The following SUMF1 variants were observed in gnomAD, a reference collection of about 807,000 sequenced individuals.
The protein encoded by SUMF1 is formylglycine-generating enzyme.
SUMF1 carries 48 observed loss-of-function variants against 47.6 expected under a neutral mutation model. The ratio of observed to expected loss-of-function variants is 1.01; its 90% CI spans 0.80 to 1.28. The LOEUF (loss-of-function observed/expected upper bound fraction) is 1.28. Ranked by LOEUF, SUMF1 falls within the 50% of genes most tolerant of loss-of-function variation. The pLI is 0.00. For synonymous variants in SUMF1, 230 were observed against 192.1 expected (o/e 1.20, Z -1.63); for missense variants, 571 against 485.4 (o/e 1.18, Z -1.66).
At chr3:4,383,358 G>A (rs958766802) in intron 7 of SUMF1, among the ~76,000 whole-genome samples, 9 of 152,108 alleles carry the variant, frequency 5.9e-5, no homozygotes, top group South Asian at 4.1e-4. Context: ...CAGCCTGGGC[G>A]ACAGAGCAAG....
rs1693760703 is a variant in SUMF1, at chr3:4,130,455, C to T, written c.1015-61710G>A. On this transcript the variant is annotated intron_variant and NMD_transcript_variant, in intron 8 of 12. Coordinates refer to the SUMF1 transcript ENST00000448413. ...TAATCTTATTCAGAAAGACCTTGAT[C>T]TCTTTTTGCTTCTGCAAGATATCAC... Among the ~76,000 whole-genome samples, 3 of 152,180 alleles carry T rather than the reference C, an allele frequency of 2.0e-5. No individual in the cohort carries two copies. In the South Asian group the frequency reaches 6.2e-4, roughly 32 times the overall value.
At chr3:4,242,953 C>A (rs942589951) in intron 8 of SUMF1, among the ~76,000 whole-genome samples, 31 of 152,110 alleles carry the variant, frequency 2.0e-4, no homozygotes, top group African/African-American at 7.0e-4. Flanking sequence ...AATTTCAGAG[C>A]CTGTTATTGG....
intron 8 of SUMF1, among the ~76,000 whole-genome samples, chr3:4,261,560 A>G (rs1697085455): frequency 6.6e-6 from 1 of 152,156 alleles, no homozygotes; most frequent in Non-Finnish European, 1.5e-5. Context: ...TATCCCAGGG[A>G]TTATGCACAT....
intron 8 of SUMF1, among the ~76,000 whole-genome samples, chr3:4,104,101 G>A (rs1693100879): frequency 6.6e-6 from 1 of 152,102 alleles, no homozygotes; most frequent in African/African-American, 2.4e-5. Context: ...ATCTTGAATT[G>A]TAGCTCCCAT....
chr3:4,329,350 C>A (rs13087045), intron 8 of SUMF1, among the ~76,000 whole-genome samples: 21,288 of 152,270 alleles, frequency 0.14, 1,515 homozygotes, highest in Middle Eastern at 0.19. Context: ...CATACTTCTG[C>A]CTGGACATCC....
At position 4,321,493 on chromosome 3, in the gene SUMF1, AG is replaced by A. The variant is rs369000980; in HGVS notation, c.1014+54836del. 5.3e-3 allele frequency among the ~76,000 whole-genome samples: 780 copies of A among 146,128 alleles called. 5 individuals carry two copies. Among genetic ancestry groups the A allele is most frequent in the African/African-American group, 0.018 (710 of 38,630 alleles). On this transcript the variant is annotated intron_variant and NMD_transcript_variant, in intron 8 of 12. Coordinates refer to the SUMF1 transcript ENST00000448413. ...GCTAAAAAAAAAAAAAAAAAAAAAA[AG>A]AAAAAGAAAGAAACCTACATTGATG...
intron 8 of SUMF1, among the ~76,000 whole-genome samples, chr3:4,196,097 C>A (rs943446693): frequency 6.6e-6 from 1 of 152,070 alleles, no homozygotes; most frequent in Non-Finnish European, 1.5e-5. Context: ...AGAACACATG[C>A]CTATGGTGAC....
At chr3:4,212,436 T>C (rs1695820443) in intron 8 of SUMF1, among the ~76,000 whole-genome samples, 2 of 152,066 alleles carry the variant, frequency 1.3e-5, no homozygotes, top group South Asian at 2.1e-4. Flanking sequence ...CAAAGGTAGA[T>C]AAATCTACAA....
At position 4,217,522 on chromosome 3, in the gene SUMF1, A is replaced by ATATATATAAAATATTATATATATATAT. The variant is rs1695956698; in HGVS notation, c.1015-148778_1015-148777insATATATATATATAATATTTTATATATA. On this transcript the variant is annotated intron_variant and NMD_transcript_variant, in intron 8 of 12. Coordinates refer to the SUMF1 transcript ENST00000448413. The stretch of plus-strand genomic sequence containing the variant: ...AGAACTTAAAGTATTTTTTATATAT[A>ATATATATAAAATATTATATATATATAT]TATATATATATATATATGAAGAAAA... Among the ~76,000 whole-genome samples the ATATATATAAAATATTATATATATATAT allele has an allele frequency of 1.8e-4, 13 of 72,240 alleles. 5 individuals are homozygous for ATATATATAAAATATTATATATATATAT. Among genetic ancestry groups the ATATATATAAAATATTATATATATATAT allele is most frequent in the Non-Finnish European group, 2.7e-5 (1 of 36,726 alleles). 47.4% of individuals were successfully genotyped at this position (72,240 alleles called of 152,430 possible). A position where few individuals can be genotyped will look rare whatever the true frequency, so the allele number is the denominator to read the frequency against.
At chr3:4,374,271 G>A (rs564435213) in intron 8 of SUMF1, among the ~76,000 whole-genome samples, 1 of 152,266 alleles carries the variant, frequency 6.6e-6, no homozygotes, top group East Asian at 1.9e-4. Context: ...GATCAGCTAT[G>A]TAGAAAATAT....
At chr3:4,273,465 T>C (rs1382685575) in intron 8 of SUMF1, among the ~76,000 whole-genome samples, 1 of 151,862 alleles carries the variant, frequency 6.6e-6, no homozygotes, top group Non-Finnish European at 1.5e-5. Context: ...TAGAAAAATA[T>C]CTATAGAAAC....
At chr3:4,236,228 T>C (rs988989052) in intron 8 of SUMF1, among the ~76,000 whole-genome samples, 1 of 152,078 alleles carries the variant, frequency 6.6e-6, no homozygotes, top group African/African-American at 2.4e-5. Context: ...AGGAAACTAA[T>C]AGAAAAACCA....
At chr3:4,051,480 C>G (rs1168591508) in intron 9 of SUMF1, among the ~76,000 whole-genome samples, 1 of 152,144 alleles carries the variant, frequency 6.6e-6, no homozygotes, top group African/African-American at 2.4e-5. Context: ...AAAAAAATCC[C>G]CAAATTAAAT....
intron 8 of SUMF1, among the ~76,000 whole-genome samples, chr3:4,273,862 G>T (rs1697361545): frequency 6.6e-6 from 1 of 150,958 alleles, no homozygotes; most frequent in South Asian, 2.1e-4. Flanking sequence ...GGCAGGGCAG[G>T]TCATGATGTT....
chr3:4,318,750 C>G (rs911720294), intron 8 of SUMF1, among the ~76,000 whole-genome samples: 1 of 151,952 alleles, frequency 6.6e-6, no homozygotes, highest in African/African-American at 2.4e-5. Flanking sequence ...CATACTAAAA[C>G]TACAAAAATA....
chr3:4,091,587 C>A (rs1692787934), intron 8 of SUMF1, among the ~76,000 whole-genome samples: 1 of 152,074 alleles, frequency 6.6e-6, no homozygotes, highest in Non-Finnish European at 1.5e-5. Flanking sequence ...CCTGTTGCAG[C>A]CTTTAAGACA....
chr3:4,301,125 G>C (rs1697954837), intron 8 of SUMF1, among the ~76,000 whole-genome samples: 1 of 152,168 alleles, frequency 6.6e-6, no homozygotes, highest in Non-Finnish European at 1.5e-5. Flanking sequence ...CTAATGTAAA[G>C]AGGGTAACCA....
intron 7 of SUMF1, among the ~76,000 whole-genome samples, chr3:4,378,032 C>T (rs793935): frequency 0.69 from 105,662 of 152,150 alleles, 37,732 homozygotes; most frequent in African/African-American, 0.86. Flanking sequence ...GTGCACATTA[C>T]CTTCTAAGCA....
chr3:4,165,858 TGTTTC>T (rs1214464866), intron 8 of SUMF1, among the ~76,000 whole-genome samples: 1 of 62,262 alleles, frequency 1.6e-5, no homozygotes. Flanking sequence ...TTGATTTGTT[TGTTTC>T]CCCCCCCCCC....
Sources: allele counts gnomAD v4.1 joint callset (sites outside exome capture counted in the v4.1 genomes callset), GRCh38; gene constraint gnomAD v4.1.1; transcripts MANE v1.5; gene names NCBI Gene and HGNC (gene_info 2026-07-23, HGNC 2026-07-21).